The following PTPRD variants were observed in gnomAD, a reference collection of about 807,000 sequenced individuals.
PTPRD encodes the protein receptor-type tyrosine-protein phosphatase delta.
In PTPRD, 34 loss-of-function variants were observed where a neutral mutation model predicts 214.5. The observed-to-expected ratio is 0.16, with a 90% CI of 0.12 to 0.21. The LOEUF is 0.21. Among genes scored for constraint, PTPRD ranks in the 10% least tolerant of loss-of-function variants. PTPRD has a pLI of 1.00. For missense variants in PTPRD, 2,545 were observed against 2,398.7 expected (o/e 1.06, Z -1.27); for synonymous variants, 1,128 against 845.7 (o/e 1.33, Z -5.79).
At chr9:9,354,555 G>A (rs1381935839) in intron 9 of PTPRD, among the ~76,000 whole-genome samples, 2 of 151,642 alleles carry the variant, frequency 1.3e-5, no homozygotes, top group African/African-American at 4.8e-5. Context: ...TCCTAGCTGG[G>A]AATTCATCAG....
At chr9:8,524,542 G>C (rs1471690358) in intron 18 of PTPRD, among the ~76,000 whole-genome samples, 1 of 152,010 alleles carries the variant, frequency 6.6e-6, no homozygotes, top group East Asian at 1.9e-4. Context: ...GAACTGATTA[G>C]TAGCACACCA....
intron 8 of PTPRD, among the ~76,000 whole-genome samples, chr9:9,414,413 G>T (rs1221655092): frequency 6.6e-6 from 1 of 152,204 alleles, no homozygotes; most frequent in East Asian, 1.9e-4. Context: ...AGTAGAATGA[G>T]TAGCAATATC....
intron 5 of PTPRD, among the ~76,000 whole-genome samples, chr9:9,797,683 T>G (rs1389904180): frequency 6.6e-6 from 1 of 151,760 alleles, no homozygotes; most frequent in Non-Finnish European, 1.5e-5. Context: ...CTGTCTCTAC[T>G]AAAAATACAA....
chr9:8,805,072 T>C (rs2096648562), intron 11 of PTPRD, among the ~76,000 whole-genome samples: 1 of 152,202 alleles, frequency 6.6e-6, no homozygotes, highest in Non-Finnish European at 1.5e-5. Context: ...AGACCTGTGC[T>C]GATCAGATCA....
intron 8 of PTPRD, among the ~76,000 whole-genome samples, chr9:9,450,102 G>T (rs2091697900): frequency 2.8e-5 from 2 of 72,422 alleles, no homozygotes; most frequent in South Asian, 4.8e-4. Flanking sequence ...CATGGTGTGT[G>T]TGTGTGTGTG....
chr9:9,451,495 A>G (rs2092162551), intron 8 of PTPRD, among the ~76,000 whole-genome samples: 1 of 151,744 alleles, frequency 6.6e-6, no homozygotes, highest in Non-Finnish European at 1.5e-5. Flanking sequence ...TTTTCACTGG[A>G]CAAAATGCAA....
intron 4 of PTPRD, among the ~76,000 whole-genome samples, chr9:10,010,338 C>T (rs549723374): frequency 1.5e-5 from 2 of 129,556 alleles, no homozygotes; most frequent in East Asian, 2.1e-4. Context: ...TACAATTGTT[C>T]GAACATGTGC....
At chr9:9,033,865 T>G (rs2099613415) in intron 10 of PTPRD, among the ~76,000 whole-genome samples, 1 of 152,148 alleles carries the variant, frequency 6.6e-6, no homozygotes, top group East Asian at 1.9e-4. Context: ...AAATTGCCTC[T>G]GGTATAACAA....
chr9:9,255,621 G>A (rs2099977387), intron 9 of PTPRD, among the ~76,000 whole-genome samples: 1 of 151,994 alleles, frequency 6.6e-6, no homozygotes, highest in Non-Finnish European at 1.5e-5. Flanking sequence ...ACTTATAGAT[G>A]TACAAAGAGA....
intron 3 of PTPRD, among the ~76,000 whole-genome samples, chr9:10,241,552 C>T (rs748511927): frequency 1.1e-4 from 17 of 151,944 alleles, no homozygotes; most frequent in African/African-American, 3.9e-4. Flanking sequence ...TATAACAACA[C>T]GGGTAATTCA....
chr9:8,828,238 T>C (rs1456260246), intron 11 of PTPRD, among the ~76,000 whole-genome samples: 3 of 152,212 alleles, frequency 2.0e-5, no homozygotes, highest in Non-Finnish European at 2.9e-5. Context: ...AATGTTTGTA[T>C]CTCCCTAAAT....
chr9:8,332,311 G>A (rs190971692), intron 43 of PTPRD, among the ~76,000 whole-genome samples: 2 of 152,238 alleles, frequency 1.3e-5, no homozygotes, highest in Admixed American at 6.5e-5. Context: ...AAACCCGGTA[G>A]TTGCTGTTAA....
chr9:10,129,499 C>A (rs1028653030), intron 3 of PTPRD, among the ~76,000 whole-genome samples: 1 of 125,824 alleles, frequency 7.9e-6, no homozygotes, highest in South Asian at 2.5e-4. Flanking sequence ...TTTTTCTTTC[C>A]TTTTTTTTTT....
chr9:10,095,780 T>A (rs2098477224), intron 3 of PTPRD, among the ~76,000 whole-genome samples: 1 of 151,554 alleles, frequency 6.6e-6, no homozygotes, highest in African/African-American at 2.4e-5. Context: ...GCATCCTACT[T>A]CATGGATAAA....
chr9:9,352,489 C>T (rs2051792279), intron 9 of PTPRD, among the ~76,000 whole-genome samples: 1 of 151,732 alleles, frequency 6.6e-6, no homozygotes, highest in Non-Finnish European at 1.5e-5. Flanking sequence ...AAATCTGCCT[C>T]ATTTGTTTTC....
At chr9:9,563,785 C>T (rs936267604) in intron 8 of PTPRD, among the ~76,000 whole-genome samples, 3 of 152,108 alleles carry the variant, frequency 2.0e-5, no homozygotes, top group African/African-American at 7.2e-5. Context: ...CCAAGTAATA[C>T]TCTTATCTTG....
chr9:9,923,298 A>C (rs1442025989), intron 5 of PTPRD, among the ~76,000 whole-genome samples: 1 of 151,766 alleles, frequency 6.6e-6, no homozygotes, highest in African/African-American at 2.4e-5. Context: ...GTGGAAGATA[A>C]AAATCAAGAA....
intron 11 of PTPRD, among the ~76,000 whole-genome samples, chr9:8,751,453 G>A (rs2093524289): frequency 6.6e-6 from 1 of 151,828 alleles, no homozygotes; most frequent in South Asian, 2.1e-4. Flanking sequence ...CTGAAGTTTT[G>A]TAGATCAAAG....
Position 8,526,655 on chromosome 9 carries a change from AAT to A in PTPRD, c.551-13_551-12del. On this transcript the variant is annotated splice_polypyrimidine_tract_variant and intron_variant, in intron 16 of 45. Transcript: ENST00000381196. The stretch of plus-strand genomic sequence containing the variant: ...TTATTGGTGTACCACCTGGGTGGAT[AAT>A]ATGAATGCAAATAAGATTAGAAAGA... The A allele has an allele frequency of 6.4e-7, 1 of 1,572,190 alleles. No homozygotes were observed. The highest frequency in any genetic ancestry group is 1.2e-5 in the South Asian group (1 of 84,488).
Sources: allele counts gnomAD v4.1 joint callset (sites outside exome capture counted in the v4.1 genomes callset), GRCh38; gene constraint gnomAD v4.1.1; transcripts MANE v1.5; gene names NCBI Gene and HGNC (gene_info 2026-07-23, HGNC 2026-07-21).